Variants in PRELID2 observed in about 807,000 individuals in gnomAD.
PRELID2 encodes PRELI domain-containing protein 2.
A neutral mutation model predicts 28.4 loss-of-function variants in PRELID2; 25 were observed. The ratio of observed to expected loss-of-function variants is 0.88; its 90% confidence interval spans 0.64 to 1.23. The LOEUF (loss-of-function observed/expected upper bound fraction) is 1.23. PRELID2 is among the 50% of genes most tolerant of loss of function. The pLI is 0.00. For synonymous variants in PRELID2, 76 were observed against 71.6 expected (o/e 1.06, Z -0.31); for missense variants, 201 against 214.4 (o/e 0.94, Z 0.39).
chr5:145,685,412 A>C (rs370300584), intron 1 of PRELID2, among the ~76,000 whole-genome samples: 5 of 152,144 alleles, frequency 3.3e-5, no homozygotes, highest in South Asian at 2.1e-4. Context: ...TCTAGAGCCC[A>C]GTTTCTACCC....
At chr5:145,609,478 A>C (rs883102) in intron 1 of PRELID2, among the ~76,000 whole-genome samples, 4,622 of 152,308 alleles carry the variant, frequency 0.03, 226 homozygotes, top group African/African-American at 0.1. Context: ...GTCTCCCTTA[A>C]GCAGGGGCAG....
the PRELID2 span, among the ~76,000 whole-genome samples, chr5:145,286,604 C>T: frequency 1.1e-4 from 17 of 152,200 alleles, no homozygotes; most frequent in East Asian, 3.1e-3. Context: ...CACTCTTTTT[C>T]ATCAGTAAAT....
the PRELID2 span, among the ~76,000 whole-genome samples, chr5:145,279,423 T>C: frequency 5.9e-5 from 9 of 152,266 alleles, no homozygotes; most frequent in East Asian, 1.5e-3. Context: ...TTTCACTTGG[T>C]GATGGTGTGA....
the PRELID2 span, among the ~76,000 whole-genome samples, chr5:145,350,602 C>A: frequency 6.6e-6 from 1 of 152,156 alleles, no homozygotes; most frequent in African/African-American, 2.4e-5. Context: ...ACTCATGATT[C>A]ACTCTAATTT....
At chr5:145,478,500 A>G (rs1752127730) in intron 1 of PRELID2, among the ~76,000 whole-genome samples, 1 of 152,062 alleles carries the variant, frequency 6.6e-6, no homozygotes, top group African/African-American at 2.4e-5. Flanking sequence ...GCAGTGAGCC[A>G]AGATCACGCC....
At chr5:145,808,539 G>C (rs1261430921) in intron 4 of PRELID2, among the ~76,000 whole-genome samples, 1 of 152,152 alleles carries the variant, frequency 6.6e-6, no homozygotes, top group Admixed American at 6.5e-5. Flanking sequence ...ATCTATTAGA[G>C]AGTGAAGAAT....
chr5:145,653,048 G>A (rs1447100446), intron 1 of PRELID2, among the ~76,000 whole-genome samples: 1 of 152,110 alleles, frequency 6.6e-6, no homozygotes, highest in Non-Finnish European at 1.5e-5. Context: ...ATAAAGGGAT[G>A]GAAGAAGATC....
chr5:145,478,900 G>A (rs1262053066), intron 1 of PRELID2, among the ~76,000 whole-genome samples: 1 of 152,168 alleles, frequency 6.6e-6, no homozygotes, highest in Non-Finnish European at 1.5e-5. Context: ...AGCCATAACA[G>A]AGCCAAAAAC....
At chr5:145,537,672 T>C (rs1752711340) in intron 1 of PRELID2, among the ~76,000 whole-genome samples, 1 of 151,884 alleles carries the variant, frequency 6.6e-6, no homozygotes, top group Non-Finnish European at 1.5e-5. Flanking sequence ...GGGCTATTTG[T>C]TTTTTGTTTT....
At chr5:145,576,606 T>C (rs572401258) in intron 1 of PRELID2, among the ~76,000 whole-genome samples, 4 of 150,206 alleles carry the variant, frequency 2.7e-5, no homozygotes, top group Non-Finnish European at 4.4e-5. Context: ...AATATCTACA[T>C]GCAAAAAATC....
At chr5:145,828,946 TC>T (rs1755401464) in intron 1 of PRELID2, among the ~76,000 whole-genome samples, 1 of 144,458 alleles carries the variant, frequency 6.9e-6, no homozygotes, top group South Asian at 2.3e-4. Flanking sequence ...CAAGCGATCC[TC>T]CTAACTCAGC....
At chr5:145,563,112 C>T (rs1353300312) in intron 1 of PRELID2, among the ~76,000 whole-genome samples, 1 of 152,230 alleles carries the variant, frequency 6.6e-6, no homozygotes. Context: ...CACGCTTGGC[C>T]AATGATCTTA....
intron 1 of PRELID2, among the ~76,000 whole-genome samples, chr5:145,507,690 T>C (rs963767468): frequency 6.6e-6 from 1 of 152,158 alleles, no homozygotes; most frequent in Non-Finnish European, 1.5e-5. Context: ...CACTGGCTTT[T>C]GTTTCCACAA....
chr5:145,811,644 G>A (rs1027772686), intron 4 of PRELID2, among the ~76,000 whole-genome samples: 1 of 152,188 alleles, frequency 6.6e-6, no homozygotes, highest in African/African-American at 2.4e-5. Flanking sequence ...CATGAGAGGA[G>A]AGACCCTGTG....
At chr5:145,679,879 C>T (rs948788483) in intron 1 of PRELID2, among the ~76,000 whole-genome samples, 3 of 149,198 alleles carry the variant, frequency 2.0e-5, no homozygotes, top group Middle Eastern at 3.3e-3. Flanking sequence ...TAATTTTATA[C>T]AAATAATATA....
the PRELID2 span, among the ~76,000 whole-genome samples, chr5:145,316,581 A>G: frequency 6.6e-6 from 1 of 152,204 alleles, no homozygotes; most frequent in Non-Finnish European, 1.5e-5. Context: ...ACAGTGCTAA[A>G]CAAAAGGACT....
In PRELID2 at chr5:145,747,229, A is replaced by C. The variant is rs141142576; in HGVS notation, n.70+17702T>G. Among the ~76,000 whole-genome samples, 8 of 152,132 alleles carry C rather than the reference A, an allele frequency of 5.3e-5. No individual in the cohort carries two copies. The East Asian group carries it at 1.5e-3, about 29-fold the overall frequency. Reference sequence around the variant, plus strand: ...GAGACATCAAAAACCCTCTAAAAAAAAAAATCGATGACTCCAGGAGCTGTT... The same window carrying C: ...GAGACATCAAAAACCCTCTAAAAAACAAAATCGATGACTCCAGGAGCTGTT... On this transcript the variant is annotated intron_variant and non_coding_transcript_variant, in intron 1 of 2. Coordinates refer to the PRELID2 transcript ENST00000510259.
At chr5:145,320,272 G>T in the PRELID2 span, among the ~76,000 whole-genome samples, 9 of 150,836 alleles carry the variant, frequency 6.0e-5, no homozygotes, top group Non-Finnish European at 1.3e-4. Context: ...GCACTCAACA[G>T]CTTTTTTTTT....
chr5:145,237,835 ATTCC>A, the PRELID2 span, among the ~76,000 whole-genome samples: 1 of 152,074 alleles, frequency 6.6e-6, no homozygotes. Flanking sequence ...CCATCTGATC[ATTCC>A]TTCCTGTGCT....
Sources: gnomAD v4.1 joint callset for allele counts (sites outside exome capture counted in the v4.1 genomes callset) on GRCh38, gnomAD v4.1.1 for gene constraint, MANE v1.5 for transcripts, NCBI Gene and HGNC (gene_info 2026-07-23, HGNC 2026-07-21) for gene names.